GRID1: variants seen among roughly 807,000 people sequenced by gnomAD.
GRID1 encodes the protein glutamate receptor ionotropic, delta-1.
GRID1 carries 28 observed loss-of-function variants against 98.0 expected under a neutral mutation model. The ratio of observed to expected loss-of-function variants is 0.29; its 90% CI spans 0.21 to 0.39. The LOEUF is 0.39. Among genes scored for constraint, GRID1 ranks in the 10% least tolerant of loss-of-function variants. GRID1 has a pLI of 1.00. For missense variants in GRID1, 1,111 were observed against 1,340.5 expected (o/e 0.83, Z 2.67); for synonymous variants, 553 against 538.5 (o/e 1.03, Z -0.37).
chr10:85,935,597 C>T (rs912078107), intron 4 of GRID1, among the ~76,000 whole-genome samples: 1 of 152,206 alleles, frequency 6.6e-6, no homozygotes, highest in African/African-American at 2.4e-5. Flanking sequence ...TCTGTACATT[C>T]ACCCTGGCAA....
At chr10:86,235,172 C>T (rs1021047734) in intron 2 of GRID1, among the ~76,000 whole-genome samples, 2 of 152,180 alleles carry the variant, frequency 1.3e-5, no homozygotes, top group African/African-American at 4.8e-5. Context: ...AAGGCCCAGT[C>T]CCAACCTCCT....
At chr10:85,829,024 A>G (rs1263313120) in intron 8 of GRID1, among the ~76,000 whole-genome samples, 2 of 152,200 alleles carry the variant, frequency 1.3e-5, no homozygotes, top group African/African-American at 4.8e-5. Flanking sequence ...ACATCAGGCC[A>G]ATATCATTGA....
At chr10:85,776,639 G>T (rs370501022) in intron 8 of GRID1, among the ~76,000 whole-genome samples, 1 of 152,158 alleles carries the variant, frequency 6.6e-6, no homozygotes, top group Non-Finnish European at 1.5e-5. Flanking sequence ...TCTACCAAGC[G>T]CAGCGACCGC....
chr10:85,705,479 CA>C (rs1170499403), intron 12 of GRID1, among the ~76,000 whole-genome samples: 2 of 151,998 alleles, frequency 1.3e-5, no homozygotes, highest in Non-Finnish European at 2.9e-5. Flanking sequence ...GCTTACCAAC[CA>C]AAAAAAGTCC....
chr10:85,887,538 T>C (rs1422557965), intron 5 of GRID1, among the ~76,000 whole-genome samples: 1 of 152,108 alleles, frequency 6.6e-6, no homozygotes, highest in East Asian at 1.9e-4. Flanking sequence ...TAAACCTATC[T>C]CATCAGAATC....
At chr10:86,247,937 A>T (rs906057386) in intron 2 of GRID1, among the ~76,000 whole-genome samples, 1 of 152,170 alleles carries the variant, frequency 6.6e-6, no homozygotes, top group African/African-American at 2.4e-5. Flanking sequence ...TTGTCTCCAG[A>T]TCCACCAAGC....
chr10:86,075,028 G>A (rs1843860672), intron 4 of GRID1, among the ~76,000 whole-genome samples: 1 of 151,612 alleles, frequency 6.6e-6, no homozygotes, highest in Admixed American at 6.6e-5. Context: ...TGCACAAAAG[G>A]AACGAGCAAG....
At chr10:86,138,524 G>T (rs1437757817) in intron 4 of GRID1, among the ~76,000 whole-genome samples, 1 of 152,134 alleles carries the variant, frequency 6.6e-6, no homozygotes, top group Non-Finnish European at 1.5e-5. Context: ...AAAAAAAAGG[G>T]CTGAGTCTTG....
chr10:85,748,774 C>T (rs149996787), intron 8 of GRID1, among the ~76,000 whole-genome samples: 112 of 152,284 alleles, frequency 7.4e-4, no homozygotes, highest in African/African-American at 2.6e-3. Context: ...TTGACATCTC[C>T]ACTTGAATAC....
chr10:85,931,100 G>A (rs565175757), intron 4 of GRID1, among the ~76,000 whole-genome samples: 3 of 152,270 alleles, frequency 2.0e-5, no homozygotes, highest in African/African-American at 7.2e-5. Flanking sequence ...CCAAAGTGCT[G>A]AGACTACAGG....
intron 2 of GRID1, among the ~76,000 whole-genome samples, chr10:86,285,318 C>A (rs527899447): frequency 6.6e-6 from 1 of 152,344 alleles, no homozygotes; most frequent in East Asian, 1.9e-4. Context: ...GGATGGCATG[C>A]TGAGGATCGC....
At chr10:86,078,656 C>A (rs1349054989) in intron 4 of GRID1, among the ~76,000 whole-genome samples, 2 of 152,254 alleles carry the variant, frequency 1.3e-5, no homozygotes, top group East Asian at 3.8e-4. Context: ...CCTTCAGCAC[C>A]GGACCCTTCC....
intron 4 of GRID1, among the ~76,000 whole-genome samples, chr10:86,130,061 G>A (rs1031361486): frequency 2.6e-5 from 4 of 152,230 alleles, no homozygotes; most frequent in African/African-American, 9.6e-5. Context: ...GCTTACAGCT[G>A]GCCAGTGCCA....
intron 2 of GRID1, among the ~76,000 whole-genome samples, chr10:86,229,143 T>C (rs1846407487): frequency 6.6e-6 from 1 of 152,132 alleles, no homozygotes; most frequent in Non-Finnish European, 1.5e-5. Context: ...CTCAGCCCCA[T>C]TCCCTCAATC....
intron 5 of GRID1, among the ~76,000 whole-genome samples, chr10:85,910,831 G>GA (rs1841527675): frequency 1.3e-5 from 2 of 152,164 alleles, no homozygotes; most frequent in South Asian, 2.1e-4. Flanking sequence ...GTGAGGCTGT[G>GA]AAAAAATCAC....
chr10:85,662,377 A>AC (rs1840975090), intron 12 of GRID1, among the ~76,000 whole-genome samples: 2 of 151,804 alleles, frequency 1.3e-5, no homozygotes, highest in Non-Finnish European at 2.9e-5. Context: ...GCTTGAGGAG[A>AC]CCCCCAGGTA....
At chr10:86,271,285 C>T (rs1460692534) in intron 2 of GRID1, among the ~76,000 whole-genome samples, 1 of 152,212 alleles carries the variant, frequency 6.6e-6, no homozygotes, top group Non-Finnish European at 1.5e-5. Flanking sequence ...ATAGTAAAAA[C>T]AAGACCCAAA....
chr10:85,984,268 T>G (rs565589049), intron 4 of GRID1, among the ~76,000 whole-genome samples: 2 of 152,112 alleles, frequency 1.3e-5, no homozygotes, highest in East Asian at 3.9e-4. Flanking sequence ...CTGGAACCAC[T>G]CAACATGGAA....
rs1000290877 is a variant in GRID1, at chr10:85,780,303, C to T, written c.1234-50689G>A. ...AGCCATCAGCAGCTGGGATTCAGAA[C>T]ATGCCCAGATGCAATGGCCACCACA... On this transcript the variant is annotated intron_variant, in intron 8 of 15. Transcript: ENST00000327946. Among the ~76,000 whole-genome samples the T allele has an allele frequency of 3.9e-5, 6 of 152,322 alleles. No individual in the cohort carries two copies. In the East Asian group the frequency reaches 1.2e-3, roughly 29 times the overall value.
Sources: gnomAD v4.1 joint callset for allele counts (sites outside exome capture counted in the v4.1 genomes callset) on GRCh38, gnomAD v4.1.1 for gene constraint, MANE v1.5 for transcripts, NCBI Gene and HGNC (gene_info 2026-07-23, HGNC 2026-07-21) for gene names.